The following RAB38 variants were observed in gnomAD, a reference collection of about 807,000 sequenced individuals.
RAB38 encodes ras-related protein Rab-38.
RAB38 carries 15 observed loss-of-function variants against 18.4 expected under a neutral mutation model. The observed-to-expected ratio is 0.82, with a 90% CI of 0.55 to 1.26. The LOEUF (loss-of-function observed/expected upper bound fraction) is 1.26, where lower values mean the gene tolerates loss of function less well. RAB38 is among the 50% of genes most tolerant of loss of function. The pLI is 0.00. For missense variants in RAB38, 294 were observed against 267.4 expected (o/e 1.10, Z -0.69); for synonymous variants, 101 against 104.4 (o/e 0.97, Z 0.20).
chr11:87,959,037 G>A, the RAB38 span, among the ~76,000 whole-genome samples: 1 of 152,056 alleles, frequency 6.6e-6, no homozygotes, highest in African/African-American at 2.4e-5. Context: ...TGAAAGCTGT[G>A]CTTTAGGCTG....
the RAB38 span, among the ~76,000 whole-genome samples, chr11:88,017,702 TTA>T: frequency 4.8e-5 from 7 of 144,514 alleles, no homozygotes; most frequent in Admixed American, 2.1e-4. Context: ...AAATTGTATT[TTA>T]TATATATATA....
At chr11:88,061,322 C>T in the RAB38 span, among the ~76,000 whole-genome samples, 3 of 152,208 alleles carry the variant, frequency 2.0e-5, no homozygotes, top group Admixed American at 1.3e-4. Context: ...TGCAAAAGAC[C>T]CAAGTGCAAG....
At chr11:87,941,690 A>C in the RAB38 span, among the ~76,000 whole-genome samples, 1 of 152,146 alleles carries the variant, frequency 6.6e-6, no homozygotes. Context: ...TATCAGGAAA[A>C]GGTATGAGAT....
the RAB38 span, among the ~76,000 whole-genome samples, chr11:87,868,029 G>C: frequency 1.3e-5 from 2 of 151,656 alleles, no homozygotes; most frequent in East Asian, 3.9e-4. Context: ...ATTGATACAT[G>C]GAAATGATCA....
intron 1 of RAB38, among the ~76,000 whole-genome samples, chr11:88,172,728 A>C (rs1319034904): frequency 6.6e-6 from 1 of 152,216 alleles, no homozygotes; most frequent in East Asian, 1.9e-4. Context: ...TGTATTTCAC[A>C]TGAACTCATA....
chr11:88,086,431 A>C, the RAB38 span, among the ~76,000 whole-genome samples: 1 of 152,050 alleles, frequency 6.6e-6, no homozygotes, highest in East Asian at 1.9e-4. Context: ...CTCTGTCCCT[A>C]GACAAGGTAA....
chr11:88,040,703 A>AAACAACAAC, the RAB38 span, among the ~76,000 whole-genome samples: 158 of 149,150 alleles, frequency 1.1e-3, no homozygotes, highest in Middle Eastern at 6.8e-3. Flanking sequence ...ACCCTGTCTC[A>AAACAACAAC]AACAACAACA....
chr11:87,829,909 T>C, the RAB38 span, among the ~76,000 whole-genome samples: 117 of 152,270 alleles, frequency 7.7e-4, no homozygotes, highest in African/African-American at 2.7e-3. Flanking sequence ...TACCTAATGA[T>C]TGCGAATTTC....
chr11:87,842,587 A>G, the RAB38 span, among the ~76,000 whole-genome samples: 2 of 152,196 alleles, frequency 1.3e-5, no homozygotes, highest in African/African-American at 4.8e-5. Flanking sequence ...GGAATCTCTA[A>G]TGATCTGTGA....
the RAB38 span, among the ~76,000 whole-genome samples, chr11:87,833,509 C>T: frequency 7.2e-5 from 11 of 152,114 alleles, no homozygotes; most frequent in African/African-American, 2.2e-4. Flanking sequence ...AACAGAGTCT[C>T]CCCCTTCATA....
chr11:87,818,697 A>T, the RAB38 span, among the ~76,000 whole-genome samples: 77 of 152,266 alleles, frequency 5.1e-4, no homozygotes, highest in South Asian at 4.1e-4. Flanking sequence ...TAGTTTTTTT[A>T]AAAAAATTTA....
At chr11:87,898,075 A>G in the RAB38 span, among the ~76,000 whole-genome samples, 1 of 151,638 alleles carries the variant, frequency 6.6e-6, no homozygotes. Flanking sequence ...AAAAAGAGAA[A>G]TATCCCAACT....
chr11:88,121,708 G>A (rs1215072300), intron 2 of RAB38, among the ~76,000 whole-genome samples: 7 of 152,104 alleles, frequency 4.6e-5, no homozygotes, highest in Non-Finnish European at 7.4e-5. Flanking sequence ...GACTACAGGC[G>A]CCCGCCGCCA....
At chr11:87,932,446 G>A in the RAB38 span, among the ~76,000 whole-genome samples, 1 of 151,934 alleles carries the variant, frequency 6.6e-6, no homozygotes, top group Non-Finnish European at 1.5e-5. Context: ...AACATGTCTG[G>A]GTAGCATGGT....
chr11:88,028,435 T>C, the RAB38 span, among the ~76,000 whole-genome samples: 1 of 152,164 alleles, frequency 6.6e-6, no homozygotes, highest in Admixed American at 6.6e-5. Context: ...TACTCCGAGC[T>C]ACAGGAGGAA....
the RAB38 span, among the ~76,000 whole-genome samples, chr11:88,031,787 G>T: frequency 6.6e-6 from 1 of 152,092 alleles, no homozygotes; most frequent in African/African-American, 2.4e-5. Context: ...TCAATATCGT[G>T]AAAATGGCCA....
the RAB38 span, among the ~76,000 whole-genome samples, chr11:88,086,063 A>G: frequency 9.7e-4 from 148 of 151,998 alleles, no homozygotes; most frequent in African/African-American, 3.5e-3. Flanking sequence ...CTAAGCTTCA[A>G]TTTCTTCAAT....
At chr11:88,028,604 C>T in the RAB38 span, among the ~76,000 whole-genome samples, 10 of 152,016 alleles carry the variant, frequency 6.6e-5, no homozygotes, top group East Asian at 5.8e-4. Context: ...GGAGCCGATG[C>T]GATCAACTGG....
the RAB38 span, among the ~76,000 whole-genome samples, chr11:88,103,980 C>A: frequency 6.6e-6 from 1 of 152,082 alleles, no homozygotes; most frequent in Non-Finnish European, 1.5e-5. Context: ...GGTCCACAAC[C>A]CCCAGTGAGT....
Sources: gnomAD v4.1 joint callset for allele counts (sites outside exome capture counted in the v4.1 genomes callset) on GRCh38, gnomAD v4.1.1 for gene constraint, MANE v1.5 for transcripts, NCBI Gene and HGNC (gene_info 2026-07-23, HGNC 2026-07-21) for gene names.